SEPTIN9: variants seen among roughly 807,000 people sequenced by gnomAD.
SEPTIN9 encodes the protein septin 9.
A neutral mutation model predicts 56.6 loss-of-function variants in SEPTIN9; 13 were observed. The observed-to-expected ratio is 0.23, with a 90% CI of 0.15 to 0.37. The LOEUF is 0.37. Among genes scored for constraint, SEPTIN9 ranks in the 10% least tolerant of loss-of-function variants. SEPTIN9 has a pLI of 1.00. For missense variants in SEPTIN9, 650 were observed against 823.1 expected, an observed-to-expected ratio of 0.79 and a Z score of 2.57; for synonymous variants, 332 against 334.1, an observed-to-expected ratio of 0.99 and a Z score of 0.07.
intron 2 of SEPTIN9, among the ~76,000 whole-genome samples, chr17:77,387,559 C>T (rs1405817044): frequency 2.6e-5 from 4 of 152,166 alleles, no homozygotes; most frequent in African/African-American, 4.8e-5. Flanking sequence ...GGAGGGAACG[C>T]TGCTGGGTGG....
chr17:77,397,224 C>T (rs746127569), intron 2 of SEPTIN9, among the ~76,000 whole-genome samples: 2 of 152,170 alleles, frequency 1.3e-5, no homozygotes, highest in African/African-American at 2.4e-5. Context: ...TCCGACAGCT[C>T]GAGGGGAGGA....
intron 2 of SEPTIN9, among the ~76,000 whole-genome samples, chr17:77,307,924 C>T (rs2032333804): frequency 1.3e-5 from 2 of 152,216 alleles, no homozygotes; most frequent in African/African-American, 4.8e-5. Context: ...GTCATCTTCT[C>T]CCCACTGGGT....
chr17:77,460,307 G>A (rs1241798491), intron 3 of SEPTIN9, among the ~76,000 whole-genome samples: 1 of 152,174 alleles, frequency 6.6e-6, no homozygotes, highest in Non-Finnish European at 1.5e-5. Flanking sequence ...GAGTGGGAGT[G>A]CGGGAAGGCC....
In SEPTIN9 at chr17:77,373,097, C is replaced by T. The variant is rs565713677; in HGVS notation, c.77-28962C>T. The T allele has an allele frequency of 4.3e-4, 322 of 740,422 alleles. 1 individual carries two copies. The African/African-American group carries it at 5.7e-3, about 13-fold the overall frequency. 45.9% of individuals were successfully genotyped at this position (740,422 alleles called of 1,614,324 possible). ...GGGGAGGGGCTGAGGCCGCGTCTCT[C>T]GCCGTCCCCTGGGCGCGGGCCAGGC... On this transcript the variant is annotated intron_variant, in intron 2 of 11. Coordinates refer to ENST00000427177, the MANE Select transcript of SEPTIN9 (RefSeq NM_001113491.2).
In SEPTIN9 at chr17:77,451,384, C is replaced by T; in HGVS notation, c.722-30760C>T. Reference sequence around the variant, plus strand: ...CTTCCCAGGCAGTCGAGGTCCCTCCCTACCTCTGCCCCGCGCTCTGGGAGG... The same window carrying T: ...CTTCCCAGGCAGTCGAGGTCCCTCCTTACCTCTGCCCCGCGCTCTGGGAGG... On this transcript the variant is annotated intron_variant, in intron 3 of 11. Transcript: ENST00000427177. The surrounding 1 kb of genome is among the most constrained non-coding windows in gnomAD (Gnocchi z 4.2). 1 of 985,868 alleles carries T rather than the reference C, an allele frequency of 1.0e-6. No homozygotes were observed. Among genetic ancestry groups the T allele is most frequent in the Admixed American group, 6.1e-5 (1 of 16,296 alleles). The allele number at this position is 985,868 out of a possible 1,614,324, so 61.1% of individuals were successfully genotyped here. A position where few individuals can be genotyped will look rare whatever the true frequency, so the allele number is the denominator to read the frequency against.
At chr17:77,320,643 G>C (rs1016359756) in intron 2 of SEPTIN9, among the ~76,000 whole-genome samples, 2 of 152,166 alleles carry the variant, frequency 1.3e-5, no homozygotes, top group African/African-American at 2.4e-5. Flanking sequence ...GGCTGTTGGC[G>C]CCGAAACCTT....
chr17:77,299,396 C>T (rs759005341), intron 1 of SEPTIN9, among the ~76,000 whole-genome samples: 2 of 152,190 alleles, frequency 1.3e-5, no homozygotes, highest in Admixed American at 6.5e-5. Flanking sequence ...TTGGGATATA[C>T]TTATGCCTAA....
In SEPTIN9 at chr17:77,482,393, G is replaced by A. The variant is rs114510182; in HGVS notation, c.913+58G>A. On this transcript the variant is annotated intron_variant, in intron 4 of 11. Coordinates refer to ENST00000427177, the MANE Select transcript of SEPTIN9 (RefSeq NM_001113491.2). ...TGCCGGAAACCAGCCTCAGCCCCCAGGGCGGCCCACAAGCCTTTGGGCTTG... is the reference window on the plus strand; with the variant it reads ...TGCCGGAAACCAGCCTCAGCCCCCAAGGCGGCCCACAAGCCTTTGGGCTTG... 884 of 1,570,968 alleles carry A rather than the reference G, an allele frequency of 5.6e-4. 5 individuals carry two copies. In the African/African-American group the frequency reaches 0.011, roughly 19 times the overall value.
In SEPTIN9 at chr17:77,490,792, A is replaced by G. The variant is rs749673813; in HGVS notation, c.1313A>G (p.Asn438Ser). 7 of 1,595,234 alleles carry G rather than the reference A, an allele frequency of 4.4e-6. No individual in the cohort carries two copies. The highest frequency in any genetic ancestry group is 4.0e-5 in the African/African-American group (3 of 74,590). ...EFMKRLSKVV[N>S]IVPVIAKADT... ...ATGAAACGCCTGAGCAAGGTGGTCA[A>G]CATCGTCCCTGTCATCGCCAAGGCG... Residue 438 changes from asparagine (N) to serine (S), a missense_variant, in exon 8 of 12, where the codon AAC (asparagine) becomes AGC (serine). Physicochemically the swap from Asn to Ser is conservative, Grantham distance 46. Transcript: ENST00000427177.
At chr17:77,408,500 G>T (rs569073355) in intron 3 of SEPTIN9, among the ~76,000 whole-genome samples, 1 of 152,206 alleles carries the variant, frequency 6.6e-6, no homozygotes, top group East Asian at 1.9e-4. Context: ...GGTCCGCACC[G>T]GGCCGTGTGT....
intron 2 of SEPTIN9, chr17:77,376,702 A>G (rs1206128349): frequency 6.6e-6 from 1 of 152,394 alleles, no homozygotes; most frequent in African/African-American, 2.4e-5. Flanking sequence ...GTGACCTGGC[A>G]TGGGGAAAGA....
Position 77,372,980 on chromosome 17 carries a change from G to A in SEPTIN9, c.77-29079G>A, listed in dbSNP as rs374559829. Among the ~76,000 whole-genome samples the A allele has an allele frequency of 2.8e-3, 426 of 152,260 alleles. 1 individual carries two copies. The highest frequency in any genetic ancestry group is 9.7e-3 in the African/African-American group (403 of 41,560). ...GCAGAAGGACCCTGCGCCCGGGGAA[G>A]GGGAGGAATCTCTTCCCCTCTGGGC... is the stretch of plus-strand genomic sequence containing the variant. On this transcript the variant is annotated intron_variant, in intron 2 of 11. Transcript: ENST00000427177.
chr17:77,370,017 G>C (rs1344551693), intron 2 of SEPTIN9, among the ~76,000 whole-genome samples: 2 of 152,150 alleles, frequency 1.3e-5, no homozygotes, highest in African/African-American at 4.8e-5. Flanking sequence ...CCTTCCCTTG[G>C]GACAGTGATC....
At chr17:77,351,606 C>T (rs1320137394) in intron 2 of SEPTIN9, among the ~76,000 whole-genome samples, 1 of 152,184 alleles carries the variant, frequency 6.6e-6, no homozygotes, top group Non-Finnish European at 1.5e-5. Flanking sequence ...AGAGGCGGCC[C>T]CAGGGCCCTT....
In SEPTIN9 at chr17:77,317,371, A is replaced by G. The variant is rs1351185070; in HGVS notation, c.76+10174A>G. 2.6e-5 allele frequency among the ~76,000 whole-genome samples: 4 copies of G among 152,346 alleles called. No homozygotes were observed. The highest frequency in any genetic ancestry group is 5.9e-5 in the Non-Finnish European group (4 of 68,028). ...AGGTGAGTGACTGGCAAGCGAGCGA[A>G]GCTTCATCTGTATTTACAGTCACTC... On this transcript the variant is annotated intron_variant, in intron 2 of 11. Transcript: ENST00000427177. This position sits in a 1 kb window ranked among gnomAD's most constrained non-coding sequence, Gnocchi z 4.2.
rs954757624 is a variant in SEPTIN9, at chr17:77,425,456, C to G, written c.721+22753C>G. Among the ~76,000 whole-genome samples, 4 of 152,166 alleles carry G rather than the reference C, an allele frequency of 2.6e-5. No homozygotes were observed. Among genetic ancestry groups the G allele is most frequent in the Non-Finnish European group, 4.4e-5 (3 of 68,022 alleles). On this transcript the variant is annotated intron_variant, in intron 3 of 11. Transcript: ENST00000427177. This position sits in a 1 kb window ranked among gnomAD's most constrained non-coding sequence, Gnocchi z 4.2. ...CACCCGAGTGTCACTCTGGATACAG[C>G]CCTCACCTCTTCCTGGCCCCCTCTC... is the stretch of plus-strand genomic sequence containing the variant.
intron 2 of SEPTIN9, among the ~76,000 whole-genome samples, chr17:77,332,466 C>T (rs979715456): frequency 6.6e-6 from 1 of 152,176 alleles, no homozygotes; most frequent in Admixed American, 6.5e-5. Flanking sequence ...CACACAACAT[C>T]CTGTCAACAC....
chr17:77,344,955 G>C (rs1227144906), intron 2 of SEPTIN9, among the ~76,000 whole-genome samples: 1 of 112,132 alleles, frequency 8.9e-6, no homozygotes, highest in Non-Finnish European at 1.7e-5. Context: ...TTGGGCGACA[G>C]AGCAAGACTG....
intron 2 of SEPTIN9, among the ~76,000 whole-genome samples, chr17:77,338,352 GCTGCTGAC>G (rs1346164925): frequency 2.4e-4 from 36 of 152,188 alleles, no homozygotes; most frequent in Non-Finnish European, 4.4e-5. Context: ...AATGTTGATG[GCTGCTGAC>G]CAGGTGGTGG....
Sources: gnomAD v4.1 joint callset for allele counts (sites outside exome capture counted in the v4.1 genomes callset) on GRCh38, gnomAD v4.1.1 for gene constraint, Gnocchi (gnomAD v3.1) non-coding constraint, MANE v1.5 for transcripts, NCBI Gene and HGNC (gene_info 2026-07-23, HGNC 2026-07-21) for gene names.